Variants in CCT7 observed in about 807,000 individuals in gnomAD.
The protein encoded by CCT7 is chaperonin containing TCP1 subunit 7.
CCT7 carries 16 observed loss-of-function variants against 56.6 expected under a neutral mutation model. The ratio of observed to expected loss-of-function variants is 0.28; its 90% CI spans 0.19 to 0.43. The LOEUF (loss-of-function observed/expected upper bound fraction) is 0.43. CCT7 is among the 20% of genes least tolerant of loss of function. The probability of loss-of-function intolerance (pLI) is 1.00; values close to 1 mark genes in which losing one functional copy is unlikely to be tolerated. For missense variants in CCT7, 519 were observed against 685.6 expected, an observed-to-expected ratio of 0.76 and a Z score of 2.71; for synonymous variants, 262 against 254.8, an observed-to-expected ratio of 1.03 and a Z score of -0.27.
Position 73,249,842 on chromosome 2 carries a change from C to T in CCT7, c.996C>T (p.Thr332=). The T allele has an allele frequency of 3.7e-6, 6 of 1,613,672 alleles. No individual in the cohort carries two copies. The highest frequency in any genetic ancestry group is 5.1e-6 in the Non-Finnish European group (6 of 1,179,588). Residue 332 remains threonine, a synonymous_variant, in exon 9 of 12, where the codon ACC becomes ACT. Coordinates refer to ENST00000258091, the MANE Select transcript of CCT7 (RefSeq NM_006429.4). ...TMMACGGSIQ[T]SVNALSADVL... ...AGGCCTGTGGAGGCTCAATCCAGAC[C>T]AGTGTGAATGCTCTGTCAGCAGATG... is the stretch of plus-strand genomic sequence containing the variant.
chr2:73,236,299 A>G (rs1245586524), intron 1 of CCT7, among the ~76,000 whole-genome samples: 2 of 152,062 alleles, frequency 1.3e-5, no homozygotes, highest in Non-Finnish European at 2.9e-5. Context: ...AAAACCTTCC[A>G]TTATACCTGT....
At chr2:73,249,238 A>T in intron 8 of CCT7, 59 bp downstream of exon 8, 1 of 1,359,848 alleles carries the variant, frequency 7.4e-7, no homozygotes, top group South Asian at 1.4e-5. Context: ...GTTTTCACTG[A>T]CCCCTGGTAT....
At chr2:73,235,376 G>A (rs1162429937) in intron 1 of CCT7, among the ~76,000 whole-genome samples, 7 of 152,138 alleles carry the variant, frequency 4.6e-5, no homozygotes, top group Non-Finnish European at 8.8e-5. Context: ...ATTCATTTTG[G>A]CCTGTCCGAC....
At position 73,247,938 on chromosome 2, in the gene CCT7, C is replaced by T. The variant is rs1258850671; in HGVS notation, c.783+12C>T. 1.9e-6 allele frequency: 3 copies of T among 1,609,706 alleles called. No individual in the cohort carries two copies. Among genetic ancestry groups the T allele is most frequent in the East Asian group, 2.2e-5 (1 of 44,762 alleles). ...TCCACACAGTTGAGGTAGGTGGGTT[C>T]ACCAGTTGGTGGGGGCATGGAAATG... is the stretch of plus-strand genomic sequence containing the variant. On this transcript the variant is annotated intron_variant, in intron 7 of 11. Coordinates refer to ENST00000258091, the MANE Select transcript of CCT7 (RefSeq NM_006429.4).
intron 3 of CCT7, among the ~76,000 whole-genome samples, chr2:73,242,098 T>C (rs1050790331): frequency 8.6e-5 from 13 of 151,416 alleles, no homozygotes; most frequent in African/African-American, 1.2e-4. Context: ...TTTGTTTTAG[T>C]GTGATTTGAC....
chr2:73,245,423 C>A (rs576370580), intron 6 of CCT7, among the ~76,000 whole-genome samples: 31 of 152,276 alleles, frequency 2.0e-4, no homozygotes, highest in Non-Finnish European at 3.2e-4. Context: ...CTGCGCTGTC[C>A]AATATGATAG....
intron 6 of CCT7, among the ~76,000 whole-genome samples, chr2:73,247,238 G>A (rs1289565933): frequency 1.3e-5 from 2 of 152,168 alleles, no homozygotes; most frequent in African/African-American, 4.8e-5. Flanking sequence ...CTGGAGGGAG[G>A]AAGCGTCAAG....
intron 8 of CCT7, among the ~76,000 whole-genome samples, chr2:73,249,464 A>G (rs1687480246): frequency 6.6e-6 from 1 of 152,242 alleles, no homozygotes; most frequent in Non-Finnish European, 1.5e-5. Context: ...TCTTCCAGCC[A>G]GATTTTTTCC....
At chr2:73,250,576 C>G in intron 10 of CCT7, 138 bp downstream of exon 10, 1 of 937,620 alleles carries the variant, frequency 1.1e-6, no homozygotes, top group Non-Finnish European at 1.6e-6. Flanking sequence ...CCTGATTTGC[C>G]CCACAAATGG....
At position 73,236,538 on chromosome 2, in the gene CCT7, A is replaced by G. The variant is rs148846823; in HGVS notation, c.6+2154A>G. 7.5e-3 allele frequency among the ~76,000 whole-genome samples: 1,140 copies of G among 152,222 alleles called. 18 individuals carry two copies. The highest frequency in any genetic ancestry group is 0.026 in the African/African-American group (1,078 of 41,518). On this transcript the variant is annotated intron_variant, in intron 1 of 11. Transcript: ENST00000258091. ...GTATTTTTAGTAGAGACGGGGTTTC[A>G]CCGTGTTGACCAGGCTGGTCTCGAA...
rs1558570967 is a variant in CCT7 at position 73,251,375 on chromosome 2, CAA to C, written c.1354_1355del (p.Asn452CysfsTer4). ...AGATTATCCCACGCCAGCTGTGTGA[CAA>C]TGCTGGCTTTGATGCCACAAACATT... ...LEIIPRQLCD[N>X]AGFDATNILN... On this transcript the variant is annotated frameshift_variant, in exon 11 of 12. Coordinates refer to ENST00000258091, the MANE Select transcript of CCT7 (RefSeq NM_006429.4). LOFTEE classifies it high-confidence loss of function. 6.4e-7 allele frequency: 1 copy of C among 1,563,016 alleles called. No homozygotes were observed. The highest frequency in any genetic ancestry group is 8.7e-7 in the Non-Finnish European group (1 of 1,147,158).
At position 73,252,853 on chromosome 2, in the gene CCT7, C is replaced by T; in HGVS notation, c.1624C>T (p.Pro542Ser). ...AAGRGRGRGR[P>S]H ...AGGCCGGGGCCGTGGTCGTGGCCGC[C>T]CCCACTGAGAGGCACCCCACCCATC... Residue 542 changes from proline to serine, a missense_variant, in exon 12 of 12, where the codon CCC becomes TCC. This residue lies in a region of CCT7 where 237 missense variants were observed against 300.8 expected (regional missense o/e 0.79). Coordinates refer to ENST00000258091, the MANE Select transcript of CCT7 (RefSeq NM_006429.4). The T allele has an allele frequency of 6.2e-7, 1 of 1,613,106 alleles. No homozygotes were observed. Among genetic ancestry groups the T allele is most frequent in the South Asian group, 1.1e-5 (1 of 90,966 alleles).
At chr2:73,250,497 T>G in intron 10 of CCT7, 59 bp downstream of exon 10, 1 of 1,595,200 alleles carries the variant, frequency 6.3e-7, no homozygotes, top group Non-Finnish European at 8.6e-7. Context: ...CCCTAGCTGA[T>G]CAGACCTTGG....
intron 8 of CCT7, 116 bp from the exon 9 acceptor site, chr2:73,249,703 C>T (rs548972519): frequency 7.8e-5 from 56 of 722,342 alleles, no homozygotes; most frequent in East Asian, 1.7e-4. Flanking sequence ...AGGGAAAGGG[C>T]GGGTAATGTA....
Position 73,250,659 on chromosome 2 carries a change from G to A in CCT7, c.1203+221G>A, listed in dbSNP as rs72905375. 8.0e-3 allele frequency among the ~76,000 whole-genome samples: 1,223 copies of A among 152,088 alleles called. 24 individuals carry two copies. Among genetic ancestry groups the A allele is most frequent in the African/African-American group, 0.027 (1,140 of 41,494 alleles). On this transcript the variant is annotated intron_variant, in intron 10 of 11. Transcript: ENST00000258091. ...AAAGCTAAGACTTGTTCTTTTAGCC[G>A]GGCGTGGTAGCTCACACCTGTAATC...
intron 1 of CCT7, chr2:73,239,046 A>G (rs944523409): frequency 6.6e-6 from 1 of 152,378 alleles, no homozygotes; most frequent in Non-Finnish European, 1.5e-5. Context: ...TGTATGAATT[A>G]GATTTGCCAT....
intron 2 of CCT7, 92 bp from the exon 3 acceptor site, chr2:73,240,345 C>T (rs938105984): frequency 5.9e-5 from 47 of 799,218 alleles, no homozygotes; most frequent in Non-Finnish European, 8.4e-5. Context: ...ATCCCCTCTG[C>T]CCCATCCCAG....
intron 8 of CCT7, 119 bp from the exon 9 acceptor site, chr2:73,249,700 G>A: frequency 1.4e-6 from 1 of 716,314 alleles, no homozygotes; most frequent in South Asian, 1.5e-5. Flanking sequence ...TCAAGGGAAA[G>A]GGCGGGTAAT....
intron 6 of CCT7, among the ~76,000 whole-genome samples, chr2:73,246,218 C>G (rs1328892934): frequency 6.6e-6 from 1 of 152,236 alleles, no homozygotes; most frequent in African/African-American, 2.4e-5. Context: ...GTACTCACCT[C>G]TCCTCTGAGC....
Sources: allele counts gnomAD v4.1 joint callset (sites outside exome capture counted in the v4.1 genomes callset), GRCh38; gene constraint gnomAD v4.1.1; regional missense constraint gnomAD v4.1.1; transcripts MANE v1.5; gene names NCBI Gene and HGNC (gene_info 2026-07-23, HGNC 2026-07-21).